The following CDH18 variants were observed in gnomAD, a reference collection of about 807,000 sequenced individuals.
CDH18 encodes the protein cadherin-18.
CDH18 carries 31 observed loss-of-function variants against 67.9 expected under a neutral mutation model. That is an observed-to-expected ratio of 0.46 (90% CI 0.34 to 0.62). The LOEUF (loss-of-function observed/expected upper bound fraction) is 0.62, where lower values mean the gene tolerates loss of function less well. CDH18 is among the 20% of genes least tolerant of loss of function. CDH18 has a pLI of 0.01. For missense variants in CDH18, 890 were observed against 975.5 expected (o/e 0.91, Z 1.17); for synonymous variants, 362 against 347.2 (o/e 1.04, Z -0.48).
At chr5:19,995,033 G>C (rs1194049664) in intron 2 of CDH18, among the ~76,000 whole-genome samples, 1 of 151,110 alleles carries the variant, frequency 6.6e-6, no homozygotes, top group Non-Finnish European at 1.5e-5. Flanking sequence ...GACAGGAAAA[G>C]ATATTCCAGC....
intron 2 of CDH18, among the ~76,000 whole-genome samples, chr5:20,229,032 G>A (rs1035280750): frequency 2.0e-5 from 3 of 152,030 alleles, no homozygotes; most frequent in African/African-American, 7.2e-5. Context: ...CTAATTGATA[G>A]TTGGTGAATG....
intron 1 of CDH18, among the ~76,000 whole-genome samples, chr5:20,269,857 C>T (rs1277986659): frequency 6.6e-6 from 1 of 151,864 alleles, no homozygotes; most frequent in Admixed American, 6.6e-5. Context: ...GCACATATAC[C>T]CCCATATATG....
intron 2 of CDH18, among the ~76,000 whole-genome samples, chr5:20,119,057 A>G (rs1748142301): frequency 6.6e-6 from 1 of 152,142 alleles, no homozygotes; most frequent in South Asian, 2.1e-4. Context: ...AGGTTGGCAG[A>G]TGATTAGCTC....
intron 2 of CDH18, among the ~76,000 whole-genome samples, chr5:20,253,522 T>G (rs1373588447): frequency 6.6e-6 from 1 of 152,078 alleles, no homozygotes; most frequent in Non-Finnish European, 1.5e-5. Flanking sequence ...TCCAGTAAAA[T>G]GATCCAAGAG....
intron 1 of CDH18, among the ~76,000 whole-genome samples, chr5:20,322,440 G>GTC (rs2150009106): frequency 6.6e-6 from 1 of 152,220 alleles, no homozygotes; most frequent in East Asian, 1.9e-4. Flanking sequence ...AAGCAGATAT[G>GTC]AGGAGTGTGT....
chr5:19,828,791 C>A (rs1780702497), intron 3 of CDH18, among the ~76,000 whole-genome samples: 1 of 152,170 alleles, frequency 6.6e-6, no homozygotes, highest in African/African-American at 2.4e-5. Context: ...AACCCCAGTA[C>A]TTTGGGAGGC....
At chr5:20,393,001 A>C (rs976416886) in intron 1 of CDH18, among the ~76,000 whole-genome samples, 1 of 151,916 alleles carries the variant, frequency 6.6e-6, no homozygotes. Context: ...TATTTCTATC[A>C]TGATTATTAT....
At chr5:20,447,406 G>A (rs1170168383) in intron 1 of CDH18, among the ~76,000 whole-genome samples, 1 of 151,762 alleles carries the variant, frequency 6.6e-6, no homozygotes, top group East Asian at 1.9e-4. Context: ...TACACACAGT[G>A]TCCACAGTGT....
At chr5:20,021,092 C>T (rs549512131) in intron 2 of CDH18, among the ~76,000 whole-genome samples, 3 of 152,002 alleles carry the variant, frequency 2.0e-5, no homozygotes, top group Non-Finnish European at 4.4e-5. Context: ...TAAGATTTAA[C>T]GACTGCCCTA....
chr5:19,938,169 A>G (rs1794473446), intron 2 of CDH18, among the ~76,000 whole-genome samples: 1 of 150,702 alleles, frequency 6.6e-6, no homozygotes, highest in Non-Finnish European at 1.5e-5. Flanking sequence ...ACTGAAATGT[A>G]ATGACCATGT....
At chr5:20,267,993 T>A (rs1388627328) in intron 1 of CDH18, among the ~76,000 whole-genome samples, 1 of 152,168 alleles carries the variant, frequency 6.6e-6, no homozygotes, top group Non-Finnish European at 1.5e-5. Flanking sequence ...ATCTTTCCCA[T>A]CTTGATATCA....
intron 10 of CDH18, among the ~76,000 whole-genome samples, chr5:19,507,804 T>G (rs1195524598): frequency 1.3e-5 from 2 of 152,088 alleles, no homozygotes; most frequent in Admixed American, 1.3e-4. Flanking sequence ...TATCTAATGT[T>G]AAATGACGAG....
chr5:20,196,214 A>G (rs1276534331), intron 2 of CDH18, among the ~76,000 whole-genome samples: 1 of 152,168 alleles, frequency 6.6e-6, no homozygotes, highest in East Asian at 1.9e-4. Context: ...ATTTTGATAG[A>G]TCCCAGAATA....
chr5:20,054,224 G>A (rs1561751852), intron 2 of CDH18, among the ~76,000 whole-genome samples: 1 of 152,080 alleles, frequency 6.6e-6, no homozygotes, highest in African/African-American at 2.4e-5. Flanking sequence ...CATAGCATAT[G>A]TTTAATAAAT....
chr5:20,319,069 G>C (rs985195647), intron 1 of CDH18, among the ~76,000 whole-genome samples: 1 of 152,108 alleles, frequency 6.6e-6, no homozygotes, highest in East Asian at 1.9e-4. Context: ...ATGAAAACTG[G>C]GTCTTTTTTA....
At chr5:20,033,421 C>T (rs576984251) in intron 2 of CDH18, among the ~76,000 whole-genome samples, 1 of 152,082 alleles carries the variant, frequency 6.6e-6, no homozygotes, top group Admixed American at 6.6e-5. Flanking sequence ...ATCAGTTTTG[C>T]AAGTATCACA....
chr5:20,436,016 T>C lies in CDH18; in HGVS notation c.-580+139446A>G, dbSNP rs369919080. 2.6e-5 allele frequency among the ~76,000 whole-genome samples: 4 copies of C among 152,046 alleles called. 1 individual carries two copies. In the East Asian group the frequency reaches 5.8e-4, roughly 22 times the overall value. On this transcript the variant is annotated intron_variant, in intron 1 of 14. Coordinates refer to the CDH18 transcript ENST00000507958. The stretch of plus-strand genomic sequence containing the variant: ...AGTTAACTGTTATACATAGAAGCCA[T>C]ATGATCTAGAACTGAGCACACTGAG...
chr5:19,607,378 T>A (rs957048719), intron 6 of CDH18, among the ~76,000 whole-genome samples: 1 of 151,330 alleles, frequency 6.6e-6, no homozygotes, highest in African/African-American at 2.4e-5. Flanking sequence ...CAACAAAGGG[T>A]TAATGACATT....
At chr5:20,459,104 A>C (rs1399825722) in intron 1 of CDH18, among the ~76,000 whole-genome samples, 1 of 152,228 alleles carries the variant, frequency 6.6e-6, no homozygotes, top group Non-Finnish European at 1.5e-5. Context: ...GGCCAGACAC[A>C]GTGCTTTGCA....
Sources: gnomAD v4.1 joint callset for allele counts (sites outside exome capture counted in the v4.1 genomes callset) on GRCh38, gnomAD v4.1.1 for gene constraint, MANE v1.5 for transcripts, NCBI Gene and HGNC (gene_info 2026-07-23, HGNC 2026-07-21) for gene names.